NIPBL: variants seen among roughly 807,000 people sequenced by gnomAD.
NIPBL encodes NIPBL cohesin loading factor.
NIPBL carries 19 observed loss-of-function variants against 321.8 expected under a neutral mutation model. The observed-to-expected ratio is 0.06, with a 90% CI of 0.04 to 0.09. The LOEUF (loss-of-function observed/expected upper bound fraction) is 0.09. Among genes scored for constraint, NIPBL ranks in the 10% least tolerant of loss-of-function variants. The pLI is 1.00. For missense variants in NIPBL, 2,210 were observed against 3,327.0 expected (o/e 0.66, Z 8.26); for synonymous variants, 1,106 against 1,114.1 (o/e 0.99, Z 0.14).
At chr5:36,997,725 G>C (rs300065) in intron 11 of NIPBL, among the ~76,000 whole-genome samples, 88,601 of 151,962 alleles carry the variant, frequency 0.58, 28,555 homozygotes, top group African/African-American at 0.88. Flanking sequence ...GACACTGGAG[G>C]CACCGATTTG....
chr5:36,950,717 G>A (rs1740193085), intron 1 of NIPBL, among the ~76,000 whole-genome samples: 1 of 152,066 alleles, frequency 6.6e-6, no homozygotes, highest in African/African-American at 2.4e-5. Flanking sequence ...ACACATGTCA[G>A]CTTCAGTTTT....
At chr5:37,004,400 T>G (rs1235574756) in intron 16 of NIPBL, among the ~76,000 whole-genome samples, 1 of 144,326 alleles carries the variant, frequency 6.9e-6, no homozygotes, top group Non-Finnish European at 1.5e-5. Context: ...TTTCTCTCCC[T>G]TTTTTTTTTT....
rs537263399 is a variant in NIPBL at position 36,955,765 on chromosome 5, G to A, written c.230+128G>A. On this transcript the variant is annotated intron_variant, in intron 3 of 46. Transcript: ENST00000282516. ...TTATTTTTTAAAAATATCCATATCC[G>A]AGGGAGAATATAGTCTTATTGCAAT... 86 of 715,070 alleles carry A rather than the reference G, an allele frequency of 1.2e-4. 1 individual carries two copies. Among genetic ancestry groups the A allele is most frequent in the South Asian group, 9.3e-4 (58 of 62,338 alleles). The allele number at this position is 715,070 out of a possible 1,614,324, so 44.3% of individuals were successfully genotyped here.
chr5:36,985,977 G>T lies in NIPBL; in HGVS notation c.2797G>T (p.Ala933Ser), dbSNP rs779691362. 2 of 1,613,806 alleles carry T rather than the reference G, an allele frequency of 1.2e-6. No individual in the cohort carries two copies. The highest frequency in any genetic ancestry group is 3.3e-5 in the Admixed American group (2 of 59,940). ...CAAGAGTAAAGTAGACACTAATAAA[G>T]CACACCCTGACAATAAGGCAGAATT... ...GNKSKVDTNK[A>S]HPDNKAEFPS... Residue 933 changes from alanine (A) to serine (S), a missense_variant, in exon 10 of 47, where the codon GCA becomes TCA. Coordinates refer to ENST00000282516, the MANE Select transcript of NIPBL (RefSeq NM_133433.4).
intron 1 of NIPBL, among the ~76,000 whole-genome samples, chr5:36,895,517 T>A (rs1746665966): frequency 6.6e-6 from 1 of 152,240 alleles, no homozygotes; most frequent in Non-Finnish European, 1.5e-5. Context: ...GGTAACTATG[T>A]TTAACTCTGA....
chr5:37,031,365 A>G (rs1325556132), intron 32 of NIPBL, among the ~76,000 whole-genome samples: 2 of 152,184 alleles, frequency 1.3e-5, no homozygotes, highest in Admixed American at 6.5e-5. Flanking sequence ...ATTTTTCAGT[A>G]GGATGTGGAA....
chr5:36,916,508 T>G (rs10056607), intron 1 of NIPBL, among the ~76,000 whole-genome samples: 6,398 of 152,280 alleles, frequency 0.042, 460 homozygotes, highest in African/African-American at 0.15. Context: ...TTTACATTTT[T>G]TTTAAATTAT....
intron 32 of NIPBL, among the ~76,000 whole-genome samples, chr5:37,032,410 T>TA (rs1300654119): frequency 1.3e-5 from 2 of 149,840 alleles, no homozygotes; most frequent in African/African-American, 4.9e-5. Flanking sequence ...TGTGTGTGTG[T>TA]GTGTGTGTGT....
intron 1 of NIPBL, among the ~76,000 whole-genome samples, chr5:36,933,918 T>C (rs948200752): frequency 6.6e-6 from 1 of 151,690 alleles, no homozygotes; most frequent in Non-Finnish European, 1.5e-5. Flanking sequence ...AATAAGAGTA[T>C]GGGGGGGTGG....
Position 36,978,786 on chromosome 5 carries a change from C to T in NIPBL, c.1495+2384C>T, listed in dbSNP as rs921697724. Among the ~76,000 whole-genome samples the T allele has an allele frequency of 6.6e-5, 10 of 151,654 alleles. No individual in the cohort carries two copies. The East Asian group carries it at 1.4e-3, about 20-fold the overall frequency. ...TTGTATAGGTGAGAGGCAGGAGTCC[C>T]GTCTCGTTCTTCTGCTTATGGCTAG... On this transcript the variant is annotated intron_variant, in intron 9 of 46. Transcript: ENST00000282516.
At chr5:37,061,341 C>T (rs1193145691) in intron 45 of NIPBL, among the ~76,000 whole-genome samples, 1 of 152,110 alleles carries the variant, frequency 6.6e-6, no homozygotes, top group Non-Finnish European at 1.5e-5. Context: ...CCAGTCCCCC[C>T]ATGGATACCC....
intron 27 of NIPBL, 77 bp downstream of exon 27, chr5:37,020,954 C>A (rs1749556738): frequency 2.0e-6 from 2 of 993,864 alleles, no homozygotes; most frequent in Non-Finnish European, 3.2e-6. Flanking sequence ...TATATAATAT[C>A]ATTCATTGTT....
At chr5:37,032,170 A>G (rs905041479) in intron 32 of NIPBL, among the ~76,000 whole-genome samples, 1 of 152,204 alleles carries the variant, frequency 6.6e-6, no homozygotes, top group Non-Finnish European at 1.5e-5. Context: ...GATTGAGAAC[A>G]ACTGTTCTGT....
chr5:37,004,775 C>T lies in NIPBL; in HGVS notation c.3855+1428C>T, dbSNP rs539593528. On this transcript the variant is annotated intron_variant, in intron 16 of 46. Transcript: ENST00000282516. Reference sequence around the variant, plus strand: ...TTTATTGTAGAAAATTTCCAAAACACAGAAAGCACCAAAAAAGCTATATTC... The same window carrying T: ...TTTATTGTAGAAAATTTCCAAAACATAGAAAGCACCAAAAAAGCTATATTC... 2.6e-5 allele frequency among the ~76,000 whole-genome samples: 4 copies of T among 152,218 alleles called. No homozygotes were observed. In the East Asian group the frequency reaches 7.7e-4, roughly 29 times the overall value.
intron 1 of NIPBL, among the ~76,000 whole-genome samples, chr5:36,890,388 T>C (rs1746230749): frequency 6.6e-6 from 1 of 152,252 alleles, no homozygotes; most frequent in Non-Finnish European, 1.5e-5. Flanking sequence ...TTTATTCTGC[T>C]ATAATCTTTA....
At chr5:37,017,222 C>T in intron 24 of NIPBL, 60 bp downstream of exon 24, 1 of 1,469,036 alleles carries the variant, frequency 6.8e-7, no homozygotes. Context: ...TTTGCATGTC[C>T]TTACATTAGT....
At chr5:36,894,314 C>T (rs191746066) in intron 1 of NIPBL, among the ~76,000 whole-genome samples, 56 of 151,814 alleles carry the variant, frequency 3.7e-4, no homozygotes, top group African/African-American at 5.8e-4. Flanking sequence ...AGCTAGAAAC[C>T]GCAGATAAAG....
chr5:37,010,908 T>C (rs1030797507), intron 21 of NIPBL, among the ~76,000 whole-genome samples: 1 of 152,188 alleles, frequency 6.6e-6, no homozygotes, highest in Non-Finnish European at 1.5e-5. Context: ...TCGGAAATGC[T>C]CTAAAATCTG....
chr5:36,942,537 C>G (rs888878211), intron 1 of NIPBL, among the ~76,000 whole-genome samples: 1 of 149,010 alleles, frequency 6.7e-6, no homozygotes, highest in East Asian at 2.0e-4. Context: ...GTCAGGAGTT[C>G]GAGACCAGTC....
Sources: gnomAD v4.1 joint callset for allele counts (sites outside exome capture counted in the v4.1 genomes callset) on GRCh38, gnomAD v4.1.1 for gene constraint, MANE v1.5 for transcripts, NCBI Gene and HGNC (gene_info 2026-07-23, HGNC 2026-07-21) for gene names.